The following SLC35F3 variants were observed in gnomAD, a reference collection of about 807,000 sequenced individuals.
SLC35F3 encodes solute carrier family 35 member F3.
In SLC35F3, 25 loss-of-function variants were observed where a neutral mutation model predicts 49.9. The ratio of observed to expected loss-of-function variants is 0.50; its 90% CI spans 0.37 to 0.70. The LOEUF is 0.70. SLC35F3 is among the 30% of genes least tolerant of loss of function. The pLI is 0.00. For synonymous variants in SLC35F3, 275 were observed against 265.4 expected (o/e 1.04, Z -0.35); for missense variants, 525 against 639.8 (o/e 0.82, Z 1.94).
intron 3 of SLC35F3, among the ~76,000 whole-genome samples, chr1:234,242,256 A>G (rs923720762): frequency 6.6e-6 from 1 of 152,230 alleles, no homozygotes; most frequent in Non-Finnish European, 1.5e-5. Context: ...ATGGGGCCAC[A>G]TGCCTACCCC....
At chr1:233,962,144 T>C (rs1348024200) in intron 2 of SLC35F3, among the ~76,000 whole-genome samples, 1 of 152,238 alleles carries the variant, frequency 6.6e-6, no homozygotes, top group East Asian at 1.9e-4. Context: ...CCAAAAACTA[T>C]TGGTAACATT....
At chr1:234,204,676 C>T (rs1666945941) in intron 2 of SLC35F3, among the ~76,000 whole-genome samples, 5 of 152,158 alleles carry the variant, frequency 3.3e-5, no homozygotes, top group Admixed American at 6.5e-5. Flanking sequence ...CAAACCCTGC[C>T]GGGAACTCTA....
At chr1:234,192,731 A>G (rs1159741101) in intron 2 of SLC35F3, among the ~76,000 whole-genome samples, 1 of 132,374 alleles carries the variant, frequency 7.6e-6, no homozygotes, top group Admixed American at 7.0e-5. Flanking sequence ...GAACTGTTAA[A>G]TAAATTCAGC....
At chr1:234,146,434 G>T (rs1665996078) in intron 2 of SLC35F3, among the ~76,000 whole-genome samples, 1 of 144,354 alleles carries the variant, frequency 6.9e-6, no homozygotes, top group Non-Finnish European at 1.5e-5. Flanking sequence ...TTTTCTTTGA[G>T]CCTAGCCATT....
chr1:234,081,904 A>ATTTTTTTTTTTTTTTTTTTTTTTTTT (rs781469880), intron 2 of SLC35F3, among the ~76,000 whole-genome samples: 2 of 39,232 alleles, frequency 5.1e-5, no homozygotes, highest in African/African-American at 2.7e-4. Flanking sequence ...TGCCTGGCTA[A>ATTTTTTTTTTTTTTTTTTTTTTTTTT]TTTTTTTTTT....
At chr1:234,081,510 G>A (rs1212555882) in intron 2 of SLC35F3, among the ~76,000 whole-genome samples, 1 of 152,204 alleles carries the variant, frequency 6.6e-6, no homozygotes, top group Non-Finnish European at 1.5e-5. Context: ...TGAGTGGGCA[G>A]CAGTGGGTCA....
intron 2 of SLC35F3, among the ~76,000 whole-genome samples, chr1:233,939,218 T>G (rs1441909152): frequency 6.6e-6 from 1 of 152,172 alleles, no homozygotes; most frequent in East Asian, 1.9e-4. Flanking sequence ...TTGGGAGGCC[T>G]GGGCAAGTGG....
intron 2 of SLC35F3, among the ~76,000 whole-genome samples, chr1:234,179,969 C>CTGCA (rs1208301123): frequency 6.6e-6 from 1 of 152,214 alleles, no homozygotes; most frequent in Non-Finnish European, 1.5e-5. Flanking sequence ...GTCAGACTTA[C>CTGCA]TGCAGAAGGA....
chr1:234,212,088 C>T (rs377116213), intron 2 of SLC35F3, among the ~76,000 whole-genome samples: 22 of 152,320 alleles, frequency 1.4e-4, no homozygotes, highest in East Asian at 3.9e-4. Flanking sequence ...CCATGTAAGA[C>T]GTGGCTTGCT....
chr1:234,011,197 G>A (rs557326054), intron 2 of SLC35F3, among the ~76,000 whole-genome samples: 1 of 152,002 alleles, frequency 6.6e-6, no homozygotes, highest in Non-Finnish European at 1.5e-5. Flanking sequence ...CAAATTTTTT[G>A]TGAATCAGTG....
At chr1:234,151,427 G>A (rs1666074342) in intron 2 of SLC35F3, among the ~76,000 whole-genome samples, 1 of 151,588 alleles carries the variant, frequency 6.6e-6, no homozygotes, top group South Asian at 2.1e-4. Flanking sequence ...CCAAGGGGCA[G>A]AATAAAAACT....
chr1:234,051,337 C>G (rs1664373126), intron 2 of SLC35F3, among the ~76,000 whole-genome samples: 1 of 152,126 alleles, frequency 6.6e-6, no homozygotes. Context: ...TGTAGTTCTC[C>G]TTCAAGAGGT....
At chr1:234,251,022 C>T (rs1667730459) in intron 3 of SLC35F3, among the ~76,000 whole-genome samples, 4 of 152,100 alleles carry the variant, frequency 2.6e-5, no homozygotes. Context: ...CATAGCAATC[C>T]CCTAGCAAAT....
In SLC35F3 at chr1:233,918,014, A is replaced by T. The variant is rs1173941443; in HGVS notation, c.283+12256A>T. On this transcript the variant is annotated intron_variant, in intron 2 of 7. Coordinates refer to ENST00000366618, the MANE Select transcript of SLC35F3 (RefSeq NM_173508.4). Reference sequence around the variant, plus strand: ...TAAGACTCAGGGATTTGGCTTAGCTAAAATGCAGGGAAGTTTGGGTTGTTA... The same window carrying T: ...TAAGACTCAGGGATTTGGCTTAGCTTAAATGCAGGGAAGTTTGGGTTGTTA... 1.5e-4 allele frequency among the ~76,000 whole-genome samples: 4 copies of T among 25,932 alleles called. No homozygotes were observed. The East Asian group carries it at 9.1e-3, about 59-fold the overall frequency. 17.0% of individuals were successfully genotyped at this position (25,932 alleles called of 152,430 possible). A position where few individuals can be genotyped will look rare whatever the true frequency, so the allele number is the denominator to read the frequency against.
intron 3 of SLC35F3, among the ~76,000 whole-genome samples, chr1:234,301,955 C>T (rs547259575): frequency 6.6e-6 from 1 of 152,094 alleles, no homozygotes; most frequent in Admixed American, 6.5e-5. Flanking sequence ...AACCAAACAC[C>T]CCACATTCTC....
intron 2 of SLC35F3, among the ~76,000 whole-genome samples, chr1:233,927,302 T>G (rs72751799): frequency 0.11 from 17,174 of 152,212 alleles, 1,054 homozygotes; most frequent in Non-Finnish European, 0.14. Flanking sequence ...ATCTCTGTAA[T>G]TTTTGATATG....
intron 2 of SLC35F3, among the ~76,000 whole-genome samples, chr1:234,108,736 TC>T (rs1271522158): frequency 7.8e-5 from 4 of 51,190 alleles, no homozygotes; most frequent in Non-Finnish European, 1.2e-4. Context: ...AATATATATA[TC>T]TTTTATATAT....
intron 2 of SLC35F3, among the ~76,000 whole-genome samples, chr1:234,093,822 A>G (rs531737510): frequency 6.6e-6 from 1 of 152,334 alleles, no homozygotes; most frequent in East Asian, 1.9e-4. Context: ...AAGTTACCCT[A>G]TGTCTTGCCA....
intron 3 of SLC35F3, among the ~76,000 whole-genome samples, chr1:234,307,139 T>C (rs1287990976): frequency 2.0e-5 from 3 of 152,114 alleles, no homozygotes; most frequent in African/African-American, 4.8e-5. Flanking sequence ...GAAAACCCCA[T>C]AGAAAATGTA....
Sources: gnomAD v4.1 joint callset for allele counts (sites outside exome capture counted in the v4.1 genomes callset) on GRCh38, gnomAD v4.1.1 for gene constraint, MANE v1.5 for transcripts, NCBI Gene and HGNC (gene_info 2026-07-23, HGNC 2026-07-21) for gene names.